Variants in FOXN3 observed in about 807,000 individuals in gnomAD.
FOXN3 encodes forkhead box N3.
Under a neutral mutation model 38.4 loss-of-function variants are expected in FOXN3, and 7 were observed. The ratio of observed to expected loss-of-function variants is 0.18; its 90% CI spans 0.10 to 0.34. FOXN3 has a LOEUF of 0.34. FOXN3 is among the 10% of genes least tolerant of loss of function. The probability of loss-of-function intolerance (pLI) is 1.00; values close to 1 mark genes in which losing one functional copy is unlikely to be tolerated. For synonymous variants in FOXN3, 230 were observed against 242.2 expected, an observed-to-expected ratio of 0.95 and a Z score of 0.47; for missense variants, 456 against 613.4, an observed-to-expected ratio of 0.74 and a Z score of 2.71.
At chr14:89,365,707 A>G (rs556389207) in intron 2 of FOXN3, among the ~76,000 whole-genome samples, 4 of 152,294 alleles carry the variant, frequency 2.6e-5, no homozygotes, top group East Asian at 3.9e-4. Flanking sequence ...AACTTCAAAC[A>G]CATGCAAAAC....
intron 2 of FOXN3, among the ~76,000 whole-genome samples, chr14:89,399,024 C>G (rs17125841): frequency 6.6e-6 from 1 of 152,106 alleles, no homozygotes; most frequent in Non-Finnish European, 1.5e-5. Context: ...TTCAAATGAT[C>G]AAAGGCTTTC....
At chr14:89,474,040 A>G (rs1053539431) in intron 1 of FOXN3, among the ~76,000 whole-genome samples, 1 of 152,244 alleles carries the variant, frequency 6.6e-6, no homozygotes, top group African/African-American at 2.4e-5. Flanking sequence ...GCTGTGACCG[A>G]TAACATCTTC....
At chr14:89,408,985 C>G (rs1891462875) in intron 2 of FOXN3, among the ~76,000 whole-genome samples, 1 of 152,132 alleles carries the variant, frequency 6.6e-6, no homozygotes, top group Admixed American at 6.5e-5. Context: ...TGGGCCAGGT[C>G]AATGCCCTGG....
intron 2 of FOXN3, 113 bp from the exon 3 acceptor site, chr14:89,350,921 G>A (rs1369385426): frequency 1.3e-6 from 1 of 780,906 alleles, no homozygotes; most frequent in Non-Finnish European, 1.8e-6. Flanking sequence ...CTCATTTGTT[G>A]ACTGTTTGCC....
chr14:89,430,939 C>T (rs115292466), intron 1 of FOXN3, among the ~76,000 whole-genome samples: 2,439 of 152,284 alleles, frequency 0.016, 66 homozygotes, highest in African/African-American at 0.056. Flanking sequence ...ATAAATCATG[C>T]GTTGCAGGCA....
At chr14:89,618,113 C>A (rs1325145510) in intron 1 of FOXN3, among the ~76,000 whole-genome samples, 1 of 152,212 alleles carries the variant, frequency 6.6e-6, no homozygotes, top group African/African-American at 2.4e-5. Context: ...CAGCTCCACA[C>A]GGGAGCTTCC....
intron 4 of FOXN3, among the ~76,000 whole-genome samples, chr14:89,261,311 CATAG>C (rs1885792959): frequency 6.6e-6 from 1 of 152,140 alleles, no homozygotes; most frequent in Admixed American, 6.5e-5. Context: ...CTTCCCAATT[CATAG>C]ATAGAGACAC....
intron 4 of FOXN3, among the ~76,000 whole-genome samples, chr14:89,216,753 T>G (rs1884296568): frequency 6.6e-6 from 1 of 152,172 alleles, no homozygotes; most frequent in Admixed American, 6.5e-5. Flanking sequence ...CCATCTAGAA[T>G]CACTTCCCCA....
At chr14:89,339,919 C>G (rs956702433) in intron 3 of FOXN3, among the ~76,000 whole-genome samples, 1 of 152,170 alleles carries the variant, frequency 6.6e-6, no homozygotes, top group Non-Finnish European at 1.5e-5. Context: ...AGGGAAATCT[C>G]TTGATGTGTT....
At chr14:89,207,435 A>G (rs1888414414) in intron 4 of FOXN3, among the ~76,000 whole-genome samples, 1 of 152,184 alleles carries the variant, frequency 6.6e-6, no homozygotes, top group Non-Finnish European at 1.5e-5. Context: ...AAGGTGTGCT[A>G]TTGATATTAC....
intron 2 of FOXN3, among the ~76,000 whole-genome samples, chr14:89,365,049 C>G (rs1890096086): frequency 6.6e-6 from 1 of 152,182 alleles, no homozygotes; most frequent in African/African-American, 2.4e-5. Context: ...GAAAAGCCTG[C>G]TGTGACAGAG....
intron 3 of FOXN3, chr14:89,350,142 G>A (rs1340531216): frequency 6.6e-6 from 1 of 152,164 alleles, no homozygotes; most frequent in African/African-American, 2.4e-5. Context: ...AAATGGGCAT[G>A]TGAGGAGGAT....
chr14:89,408,941 A>G (rs1410740865), intron 2 of FOXN3, among the ~76,000 whole-genome samples: 1 of 152,154 alleles, frequency 6.6e-6, no homozygotes, highest in Non-Finnish European at 1.5e-5. Context: ...GCAGAGTATC[A>G]GGGAGAATGC....
intron 1 of FOXN3, among the ~76,000 whole-genome samples, chr14:89,605,133 G>C (rs1356008368): frequency 1.3e-5 from 2 of 151,716 alleles, no homozygotes; most frequent in Admixed American, 1.3e-4. Flanking sequence ...AAACATTTCT[G>C]GTTTAAAATG....
At chr14:89,323,675 C>T (rs770961772) in intron 3 of FOXN3, among the ~76,000 whole-genome samples, 2 of 152,026 alleles carry the variant, frequency 1.3e-5, no homozygotes, top group Admixed American at 6.6e-5. Context: ...GCCAAGATCA[C>T]GCCACTGCAC....
At chr14:89,246,388 G>C (rs976761424) in intron 4 of FOXN3, among the ~76,000 whole-genome samples, 34 of 152,000 alleles carry the variant, frequency 2.2e-4, no homozygotes, top group African/African-American at 7.5e-4. Flanking sequence ...GCCTAGGGTA[G>C]AGACCCCTCA....
chr14:89,511,703 A>T (rs1245100369), intron 1 of FOXN3, among the ~76,000 whole-genome samples: 1 of 152,182 alleles, frequency 6.6e-6, no homozygotes, highest in East Asian at 1.9e-4. Flanking sequence ...CCATTCTCAC[A>T]CTGCTAAAAG....
intron 1 of FOXN3, among the ~76,000 whole-genome samples, chr14:89,610,840 T>G (rs1202717190): frequency 6.6e-6 from 1 of 152,230 alleles, no homozygotes; most frequent in Non-Finnish European, 1.5e-5. Flanking sequence ...TTCCCCCGAT[T>G]TGTGCATATG....
At chr14:89,464,859 G>A (rs537995218) in intron 1 of FOXN3, among the ~76,000 whole-genome samples, 9 of 151,914 alleles carry the variant, frequency 5.9e-5, no homozygotes, top group Middle Eastern at 3.4e-3. Context: ...CACCACGCCC[G>A]GCTAATTTTT....
Sources: gnomAD v4.1 joint callset for allele counts (sites outside exome capture counted in the v4.1 genomes callset) on GRCh38, gnomAD v4.1.1 for gene constraint, MANE v1.5 for transcripts, NCBI Gene and HGNC (gene_info 2026-07-23, HGNC 2026-07-21) for gene names.